SOX6: variants seen among roughly 807,000 people sequenced by gnomAD.
SOX6 encodes transcription factor SOX-6.
A neutral mutation model predicts 97.8 loss-of-function variants in SOX6; 11 were observed. The ratio of observed to expected loss-of-function variants is 0.11; its 90% CI spans 0.07 to 0.19. The LOEUF (loss-of-function observed/expected upper bound fraction) is 0.19. Among genes scored for constraint, SOX6 ranks in the 10% least tolerant of loss-of-function variants. The probability of loss-of-function intolerance (pLI) is 1.00; values close to 1 mark genes in which losing one functional copy is unlikely to be tolerated. For synonymous variants in SOX6, 360 were observed against 371.4 expected, an observed-to-expected ratio of 0.97 and a Z score of 0.35; for missense variants, 810 against 1,039.5, an observed-to-expected ratio of 0.78 and a Z score of 3.04.
chr11:16,365,866 C>T (rs1857345176), intron 1 of SOX6, among the ~76,000 whole-genome samples: 1 of 152,126 alleles, frequency 6.6e-6, no homozygotes, highest in Non-Finnish European at 1.5e-5. Flanking sequence ...TGAATTCAAA[C>T]TCTTTTCAGA....
chr11:16,616,899 A>G (rs932494021), intron 3 of SOX6, among the ~76,000 whole-genome samples: 5 of 151,982 alleles, frequency 3.3e-5, no homozygotes, highest in Admixed American at 6.5e-5. Flanking sequence ...AGTTCCAAAC[A>G]ACATCTTTTA....
At chr11:15,980,406 T>C (rs60041887) in intron 15 of SOX6, among the ~76,000 whole-genome samples, 15,301 of 152,002 alleles carry the variant, frequency 0.1, 2,485 homozygotes, top group African/African-American at 0.34. Flanking sequence ...CCCTTCTATG[T>C]TGCAACTAAT....
chr11:16,156,574 C>A (rs1331212521), intron 6 of SOX6, among the ~76,000 whole-genome samples: 2 of 151,934 alleles, frequency 1.3e-5, no homozygotes, highest in Admixed American at 1.3e-4. Flanking sequence ...CTCACCCAGT[C>A]CTCCAAACCT....
chr11:16,151,532 A>G (rs907404632), intron 6 of SOX6, among the ~76,000 whole-genome samples: 1 of 152,162 alleles, frequency 6.6e-6, no homozygotes, highest in Non-Finnish European at 1.5e-5. Context: ...ATTCATCCAC[A>G]GAGAAAATTT....
rs547279325 is a variant in SOX6, at chr11:16,672,122, C to T, written n.429+42708G>A. 2.6e-5 allele frequency among the ~76,000 whole-genome samples: 4 copies of T among 152,182 alleles called. No individual in the cohort carries two copies. The East Asian group carries it at 5.8e-4, about 22-fold the overall frequency. On this transcript the variant is annotated intron_variant and non_coding_transcript_variant, in intron 3 of 5. Coordinates refer to the SOX6 transcript ENST00000524520. The stretch of plus-strand genomic sequence containing the variant: ...TTGAGGGAGTTTGTTACCATCAGAC[C>T]GGCCTTACAAGAGATCTTGAAAAGA...
At chr11:16,261,594 G>T (rs1227661559) in intron 3 of SOX6, among the ~76,000 whole-genome samples, 1 of 151,596 alleles carries the variant, frequency 6.6e-6, no homozygotes, top group African/African-American at 2.4e-5. Flanking sequence ...GAGCACTGAA[G>T]TTTTGTGTAG....
chr11:16,230,053 C>T (rs944008469), intron 4 of SOX6, among the ~76,000 whole-genome samples: 3 of 151,720 alleles, frequency 2.0e-5, no homozygotes, highest in Non-Finnish European at 4.4e-5. Flanking sequence ...CACGACTAAT[C>T]AGGGTTTATT....
rs201872473 is a variant in SOX6, at chr11:16,295,141, G to C, written c.445+23305C>G. ...TTATAAGGTAATCTAAAATGTAAAA[G>C]GAATTGAGAGAAACTATTAAGGTTC... is the stretch of plus-strand genomic sequence containing the variant. On this transcript the variant is annotated intron_variant, in intron 3 of 15. Coordinates refer to ENST00000683767, the MANE Select transcript of SOX6 (RefSeq NM_001367873.1). 5.9e-5 allele frequency among the ~76,000 whole-genome samples: 9 copies of C among 151,960 alleles called. No individual in the cohort carries two copies. In the East Asian group the frequency reaches 1.7e-3, roughly 29 times the overall value.
chr11:16,484,460 T>C, intron 4 of SOX6: 1 of 806,276 alleles, frequency 1.2e-6, no homozygotes, highest in Non-Finnish European at 2.2e-6. Flanking sequence ...GAAGAGCTCC[T>C]CGCACTTCAC....
chr11:16,005,666 G>A (rs1006797881), intron 13 of SOX6, among the ~76,000 whole-genome samples: 7 of 151,934 alleles, frequency 4.6e-5, no homozygotes, highest in African/African-American at 1.7e-4. Context: ...GAAGCACCAT[G>A]AGCAATTTCT....
rs201454652 is a variant in SOX6 at position 16,341,009 on chromosome 11, C to T, written c.237+3G>A. ...TGGCAGTGGTCAGATTTTAAAGGCT[C>T]ACCATTCTTTGCTGAGATGACAGAA... On this transcript the variant is annotated splice_donor_region_variant and intron_variant, in intron 2 of 15. Coordinates refer to ENST00000683767, the MANE Select transcript of SOX6 (RefSeq NM_001367873.1). 6.8e-6 allele frequency: 11 copies of T among 1,613,200 alleles called. No homozygotes were observed. Among genetic ancestry groups the T allele is most frequent in the South Asian group, 1.1e-5 (1 of 91,050 alleles).
intron 4 of SOX6, among the ~76,000 whole-genome samples, chr11:16,556,804 G>A (rs1029267360): frequency 4.0e-5 from 6 of 151,604 alleles, no homozygotes; most frequent in Admixed American, 6.6e-5. Context: ...CATAAAATAC[G>A]GAAGGCACAA....
At chr11:16,699,209 T>A (rs1354673002) in intron 3 of SOX6, among the ~76,000 whole-genome samples, 4 of 152,250 alleles carry the variant, frequency 2.6e-5, no homozygotes, top group African/African-American at 9.6e-5. Flanking sequence ...ATTTTCTCAT[T>A]TATTTTTTGT....
intron 6 of SOX6, among the ~76,000 whole-genome samples, chr11:16,174,277 A>G (rs753981459): frequency 2.6e-5 from 4 of 151,936 alleles, no homozygotes; most frequent in African/African-American, 9.7e-5. Context: ...GTTAGAGTCC[A>G]GACTACAACC....
In SOX6 at chr11:16,150,814, G is replaced by A. The variant is rs537232605; in HGVS notation, c.777+33072C>T. Among the ~76,000 whole-genome samples the A allele has an allele frequency of 5.3e-5, 8 of 152,126 alleles. No homozygotes were observed. The East Asian group carries it at 5.8e-4, about 11-fold the overall frequency. On this transcript the variant is annotated intron_variant, in intron 6 of 15. Coordinates refer to ENST00000683767, the MANE Select transcript of SOX6 (RefSeq NM_001367873.1). ...TAAATTGTGTATGACTTTATTTAACGTCAGCATTTCTTCTAGCTCCTGACA... is the reference window on the plus strand; with the variant it reads ...TAAATTGTGTATGACTTTATTTAACATCAGCATTTCTTCTAGCTCCTGACA...
chr11:16,063,515 TATATATATATATATA>T (rs1848014207), intron 9 of SOX6, among the ~76,000 whole-genome samples: 1 of 51,280 alleles, frequency 2.0e-5, no homozygotes, highest in Non-Finnish European at 3.8e-5. Context: ...TATATATATA[TATATATATATATATA>T]TATATATATA....
chr11:16,139,951 T>A (rs1017563676), intron 6 of SOX6, among the ~76,000 whole-genome samples: 2 of 124,716 alleles, frequency 1.6e-5, no homozygotes, highest in Non-Finnish European at 3.1e-5. Flanking sequence ...GGCTCATATA[T>A]TATATATATA....
At chr11:16,644,725 TA>T (rs1209148705) in intron 3 of SOX6, among the ~76,000 whole-genome samples, 2 of 152,212 alleles carry the variant, frequency 1.3e-5, no homozygotes. Flanking sequence ...GAAAAGACTA[TA>T]TATTCTCTGT....
chr11:16,462,514 G>A (rs889614733), intron 1 of SOX6, among the ~76,000 whole-genome samples: 4 of 152,090 alleles, frequency 2.6e-5, no homozygotes, highest in African/African-American at 4.8e-5. Flanking sequence ...AAAGCAGAAC[G>A]GAAAGGCAGA....
Sources: allele counts gnomAD v4.1 joint callset (sites outside exome capture counted in the v4.1 genomes callset), GRCh38; gene constraint gnomAD v4.1.1; transcripts MANE v1.5; gene names NCBI Gene and HGNC (gene_info 2026-07-23, HGNC 2026-07-21).